The following STYXL1 variants were observed in gnomAD, a reference collection of about 807,000 sequenced individuals.
STYXL1 encodes the protein serine/threonine/tyrosine interacting like 1.
A neutral mutation model predicts 36.4 loss-of-function variants in STYXL1; 32 were observed. The ratio of observed to expected loss-of-function variants is 0.88; its 90% CI spans 0.66 to 1.18. STYXL1 has a LOEUF of 1.18. STYXL1 is among the 50% of genes most tolerant of loss of function. STYXL1 has a pLI of 0.00. For missense variants in STYXL1, 354 were observed against 394.1 expected, an observed-to-expected ratio of 0.90 and a Z score of 0.86; for synonymous variants, 133 against 144.1, an observed-to-expected ratio of 0.92 and a Z score of 0.55.
Position 76,041,267 on chromosome 7 carries a change from T to A in STYXL1, c.-5+6395A>T, listed in dbSNP as rs140388103. On this transcript the variant is annotated intron_variant, in intron 1 of 8. Transcript: ENST00000359697. ...GAAGAGAAGGTAGGTTAGTATATAA[T>A]GTGTGCACCTAATACCAAAATCTGA... Among the ~76,000 whole-genome samples the A allele has an allele frequency of 5.8e-4, 88 of 152,220 alleles. No individual in the cohort carries two copies. In the East Asian group the frequency reaches 0.016, roughly 28 times the overall value.
intron 1 of STYXL1, among the ~76,000 whole-genome samples, chr7:76,039,185 C>T (rs1796242259): frequency 1.3e-5 from 2 of 149,342 alleles, no homozygotes; most frequent in South Asian, 2.1e-4. Flanking sequence ...ATCCACCCGC[C>T]TTGGCATCCC....
At chr7:76,024,883 A>G (rs1183040061) in intron 3 of STYXL1, among the ~76,000 whole-genome samples, 1 of 137,650 alleles carries the variant, frequency 7.3e-6, no homozygotes. Context: ...TGGGAAGCGG[A>G]GGTTGCAGTG....
chr7:76,028,193 C>G (rs1023144788), intron 3 of STYXL1, among the ~76,000 whole-genome samples: 9 of 152,126 alleles, frequency 5.9e-5, no homozygotes, highest in Non-Finnish European at 1.0e-4. Context: ...GCCACCACAC[C>G]TGGCTAATTT....
In STYXL1 at chr7:76,005,855, G is replaced by A. The variant is rs868914436; in HGVS notation, c.454-451C>T. Among the ~76,000 whole-genome samples the A allele has an allele frequency of 2.0e-3, 69 of 34,824 alleles. No homozygotes were observed. In the East Asian group the frequency reaches 0.054, roughly 27 times the overall value. The allele number at this position is 34,824 out of a possible 152,430, so 22.8% of individuals were successfully genotyped here. On this transcript the variant is annotated intron_variant, in intron 5 of 8. Transcript: ENST00000359697. ...GAGAGAGGAGGAGGAAGAGAGAGGA[G>A]GAGAGAGGAGGAAGAGAGAGGAGGA... is the stretch of plus-strand genomic sequence containing the variant.
At chr7:75,999,570 A>G (rs1340072554) in intron 8 of STYXL1, among the ~76,000 whole-genome samples, 3 of 126,586 alleles carry the variant, frequency 2.4e-5, no homozygotes. Flanking sequence ...TTTTTGAGAC[A>G]GAGTTTCGCT....
intron 2 of STYXL1, among the ~76,000 whole-genome samples, chr7:76,029,483 T>C (rs1210688579): frequency 1.3e-5 from 2 of 152,086 alleles, no homozygotes; most frequent in Non-Finnish European, 2.9e-5. Flanking sequence ...CCCCAATCTT[T>C]TTGGCACCAG....
At chr7:76,015,309 C>CTGGCTA (rs1554573496) in intron 4 of STYXL1, among the ~76,000 whole-genome samples, 1 of 152,170 alleles carries the variant, frequency 6.6e-6, no homozygotes, top group Non-Finnish European at 1.5e-5. Context: ...ACTAAGATAA[C>CTGGCTA]TGGCTATCCA....
chr7:76,023,592 G>C (rs931341351), intron 3 of STYXL1, among the ~76,000 whole-genome samples: 2 of 151,828 alleles, frequency 1.3e-5, no homozygotes, highest in Non-Finnish European at 2.9e-5. Flanking sequence ...CCGGGTGTGG[G>C]AGGGTGCACA....
intron 5 of STYXL1, among the ~76,000 whole-genome samples, chr7:76,007,806 G>A (rs1554570938): frequency 6.6e-6 from 1 of 150,950 alleles, no homozygotes; most frequent in Admixed American, 6.6e-5. Flanking sequence ...CTGTACTCCC[G>A]GCTACTCAGG....
chr7:76,015,582 C>A (rs1159499891), intron 4 of STYXL1, among the ~76,000 whole-genome samples: 3 of 152,158 alleles, frequency 2.0e-5, no homozygotes, highest in Non-Finnish European at 4.4e-5. Context: ...AAACAAACAG[C>A]CTGCAGAATG....
In STYXL1 at chr7:75,997,269, T is replaced by TA. The variant is rs34220250; in HGVS notation, c.811-671dup. 1.3e-3 allele frequency among the ~76,000 whole-genome samples: 197 copies of TA among 152,120 alleles called. 1 individual carries two copies. The highest frequency in any genetic ancestry group is 2.1e-3 in the African/African-American group (87 of 41,504). On this transcript the variant is annotated intron_variant, in intron 8 of 8. Coordinates refer to ENST00000359697, the MANE Select transcript of STYXL1 (RefSeq NM_001317785.2). Reference sequence around the variant, plus strand: ...CAATGTGGCGAAACCCTGTCTCTACTAAAAAAATGCAAAAATTAGCCAAGT... The same window carrying TA: ...CAATGTGGCGAAACCCTGTCTCTACTAAAAAAAATGCAAAAATTAGCCAAGT...
chr7:76,026,135 C>T (rs1408947438), intron 3 of STYXL1, among the ~76,000 whole-genome samples: 4 of 117,782 alleles, frequency 3.4e-5, no homozygotes, highest in Admixed American at 1.2e-4. Context: ...GAGCGTGCAG[C>T]GAGCTGAGAT....
Position 76,028,687 on chromosome 7 carries a change from C to T in STYXL1, c.120G>A (p.Trp40Ter). 8 of 1,614,128 alleles carry T rather than the reference C, an allele frequency of 5.0e-6. No homozygotes were observed. The highest frequency in any genetic ancestry group is 6.8e-6 in the Non-Finnish European group (8 of 1,180,022). ...TGATCACATGGCTTTCGTCATACTC[C>T]CATTTGGAACGGACATCTGGAAAGG... ...YLCLLDVRSK[W>*]EYDESHVITA... The change falls in exon 3 of 9, where the codon TGG (tryptophan) becomes TGA (stop). Residue 40 changes from tryptophan (W) to a stop codon, truncating the protein, a stop_gained. Transcript: ENST00000359697. LOFTEE classifies it high-confidence loss of function.
chr7:76,017,866 C>CAAAAAAAAA lies in STYXL1; in HGVS notation c.307+3976_308-3980dup, dbSNP rs71082374. On this transcript the variant is annotated intron_variant, in intron 4 of 8. Coordinates refer to ENST00000359697, the MANE Select transcript of STYXL1 (RefSeq NM_001317785.2). ...GGGCAACAAGAGCAAAACTCCATCT[C>CAAAAAAAAA]AAAAAAAAAAAAAAAGGCAAGACAG... Among the ~76,000 whole-genome samples the CAAAAAAAAA allele has an allele frequency of 7.7e-4, 8 of 10,360 alleles. 3 individuals are homozygous for CAAAAAAAAA. The highest frequency in any genetic ancestry group is 0.01 in the East Asian group (2 of 198). The allele number at this position is 10,360 out of a possible 152,430, so 6.8% of individuals were successfully genotyped here.
chr7:76,005,612 A>G (rs1323958157), intron 5 of STYXL1, among the ~76,000 whole-genome samples: 1 of 152,168 alleles, frequency 6.6e-6, no homozygotes, highest in Non-Finnish European at 1.5e-5. Flanking sequence ...ACTGAGCCTC[A>G]TCGTGCAGAG....
At chr7:76,038,912 G>T (rs112401671) in intron 1 of STYXL1, among the ~76,000 whole-genome samples, 2 of 146,878 alleles carry the variant, frequency 1.4e-5, no homozygotes, top group Non-Finnish European at 3.0e-5. Context: ...TCAGCCTTCC[G>T]AGTAGCTGGG....
intron 4 of STYXL1, 66 bp from the exon 5 acceptor site, chr7:76,013,953 G>C: frequency 1.4e-6 from 2 of 1,458,922 alleles, no homozygotes; most frequent in Non-Finnish European, 1.8e-6. Context: ...AGCTGGGATA[G>C]ATGACCACTT....
At chr7:76,013,343 A>C (rs868972044) in intron 5 of STYXL1, among the ~76,000 whole-genome samples, 1 of 150,694 alleles carries the variant, frequency 6.6e-6, no homozygotes, top group Non-Finnish European at 1.5e-5. Flanking sequence ...AAAAAAAAAA[A>C]GTGGAGGAGA....
intron 2 of STYXL1, 85 bp from the exon 3 acceptor site, chr7:76,028,788 C>T (rs1795016179): frequency 8.0e-7 from 1 of 1,249,420 alleles, no homozygotes; most frequent in African/African-American, 1.5e-5. Context: ...TCATCAACGT[C>T]TATTTGTTTG....
Sources: gnomAD v4.1 joint callset for allele counts (sites outside exome capture counted in the v4.1 genomes callset) on GRCh38, gnomAD v4.1.1 for gene constraint, MANE v1.5 for transcripts, NCBI Gene and HGNC (gene_info 2026-07-23, HGNC 2026-07-21) for gene names.